Variants in GLI1 observed in about 807,000 individuals in gnomAD.
The protein encoded by GLI1 is transcription activator GLI1.
GLI1 carries 51 observed loss-of-function variants against 87.8 expected under a neutral mutation model. The ratio of observed to expected loss-of-function variants is 0.58; its 90% CI spans 0.46 to 0.73. GLI1 has a LOEUF of 0.73. Among genes scored for constraint, GLI1 ranks in the 30% least tolerant of loss-of-function variants. The pLI is 0.00. For missense variants in GLI1, 1,292 were observed against 1,437.2 expected (o/e 0.90, Z 1.63); for synonymous variants, 528 against 558.2 (o/e 0.95, Z 0.76).
Position 57,466,380 on chromosome 12 carries a change from C to T in GLI1, c.903C>T (p.His301=), listed in dbSNP as rs766271134. 1.2e-6 allele frequency: 2 copies of T among 1,612,376 alleles called. No homozygotes were observed. Among genetic ancestry groups the T allele is most frequent in the Non-Finnish European group, 8.5e-7 (1 of 1,178,908 alleles). The change falls in exon 8 of 12, where the codon CAC becomes CAT. Residue 301 remains histidine, a synonymous_variant. Coordinates refer to ENST00000228682, the MANE Select transcript of GLI1 (RefSeq NM_005269.3). ...HMRRHTGEKP[H]KCTFEGCRKS... Reference sequence around the variant, plus strand: ...GCAGACACACTGGCGAGAAGCCACACAAGTGCACGGTGAGGCACCAGTGTC... The same window carrying T: ...GCAGACACACTGGCGAGAAGCCACATAAGTGCACGGTGAGGCACCAGTGTC...
Position 57,465,132 on chromosome 12 carries a change from C to A in GLI1, c.411C>A (p.Ala137=), listed in dbSNP as rs1429500924. ...GTMSPSLGFP[A]QMNHQKGPSP... ...TCAGCCCATCTCTGGGATTCCCAGC[C>A]CAGATGAATCACCAAAAAGGGCCCT... The change falls in exon 5 of 12, where the codon GCC becomes GCA. Residue 137 remains alanine, a synonymous_variant. Transcript: ENST00000228682. 6.2e-7 allele frequency: 1 copy of A among 1,614,098 alleles called. No individual in the cohort carries two copies. Among genetic ancestry groups the A allele is most frequent in the Admixed American group, 1.7e-5 (1 of 60,024 alleles).
chr12:57,464,012 G>C lies in GLI1; in HGVS notation c.114G>C (p.Pro38=). Residue 38 remains proline, a synonymous_variant, in exon 3 of 12, where the codon CCG becomes CCC. Coordinates refer to ENST00000228682, the MANE Select transcript of GLI1 (RefSeq NM_005269.3). The part of the protein sequence containing the change: ...PSVGTEGLSG[P]PFCHQANLMS... ...TCTTTTTTCTAGGACTGTCTGGCCC[G>C]CCCTTCTGCCACCAAGCTAACCTCA... 2 of 1,613,084 alleles carry C rather than the reference G, an allele frequency of 1.2e-6. No homozygotes were observed. The highest frequency in any genetic ancestry group is 1.3e-5 in the African/African-American group (1 of 75,010).
At chr12:57,463,399 TAG>T (rs1871274701) in intron 1 of GLI1, among the ~76,000 whole-genome samples, 1 of 152,124 alleles carries the variant, frequency 6.6e-6, no homozygotes. Flanking sequence ...TGTTTTTTTG[TAG>T]AGACGGGGGT....
In GLI1 at chr12:57,467,975, T is replaced by C; in HGVS notation, c.1078-19T>C. The C allele has an allele frequency of 6.4e-7, 1 of 1,558,748 alleles. No individual in the cohort carries two copies. The highest frequency in any genetic ancestry group is 8.9e-7 in the Non-Finnish European group (1 of 1,129,884). On this transcript the variant is annotated intron_variant, in intron 9 of 11. Coordinates refer to ENST00000228682, the MANE Select transcript of GLI1 (RefSeq NM_005269.3). The stretch of plus-strand genomic sequence containing the variant: ...CGCTTTGATCCGTTTGCCTTCTGTC[T>C]CCACTCTCCACTCAACAGAAGCCGT...
In GLI1 at chr12:57,471,372, AGGCCTTGCCT is replaced by A. The variant is rs1237111352; in HGVS notation, c.2635_2644del (p.Pro879ThrfsTer64). The A allele has an allele frequency of 6.2e-7, 1 of 1,604,532 alleles. No homozygotes were observed. Among genetic ancestry groups the A allele is most frequent in the Non-Finnish European group, 8.5e-7 (1 of 1,175,958 alleles). On this transcript the variant is annotated frameshift_variant, in exon 12 of 12. Coordinates refer to ENST00000228682, the MANE Select transcript of GLI1 (RefSeq NM_005269.3). LOFTEE classifies it high-confidence loss of function. This position sits in a 1 kb window ranked among gnomAD's most constrained non-coding sequence, Gnocchi z 4.9. ...CCCTGATTATCTTCCTTCAGAACCC[AGGCCTTGCCT>A]GGACTTTGATTCCCCCACCCATTCC...
chr12:57,463,010 G>A (rs190587505), intron 1 of GLI1, among the ~76,000 whole-genome samples: 2 of 152,264 alleles, frequency 1.3e-5, no homozygotes, highest in East Asian at 3.9e-4. Flanking sequence ...AAGAATTAGA[G>A]GGTCCATGTT....
chr12:57,471,414 C>A lies in GLI1; in HGVS notation c.2674C>A (p.Gln892Lys). ...TGATTCCCCCACCCATTCCACAGGG[C>A]AGCTCAAGGCTCAGCTTGTGTGTAA... ...DFDSPTHSTG[Q>K]LKAQLVCNYV... The change falls in exon 12 of 12, where the codon CAG becomes AAG. Residue 892 changes from glutamine (Q) to lysine (K), a missense_variant. Around this residue, in one of 3 missense-constraint regions of GLI1, gnomAD observed 897 missense variants for 1,040.7 expected, o/e 0.86. Coordinates refer to ENST00000228682, the MANE Select transcript of GLI1 (RefSeq NM_005269.3). The surrounding 1 kb of genome is among the most constrained non-coding windows in gnomAD (Gnocchi z 4.9). 1 of 1,613,738 alleles carries A rather than the reference C, an allele frequency of 6.2e-7. No individual in the cohort carries two copies. Among genetic ancestry groups the A allele is most frequent in the Middle Eastern group, 1.6e-4 (1 of 6,062 alleles).
rs373249560 is a variant in GLI1, at chr12:57,467,361, G to A, written c.941G>A (p.Arg314His). 2 of 1,610,706 alleles carry A rather than the reference G, an allele frequency of 1.2e-6. No individual in the cohort carries two copies. Among genetic ancestry groups the A allele is most frequent in the Non-Finnish European group, 1.7e-6 (2 of 1,177,270 alleles). The change falls in exon 9 of 12, where the codon CGC becomes CAC. Residue 314 changes from arginine to histidine, a missense_variant. By Grantham distance (29) the Arg-to-His change is conservative. Transcript: ENST00000228682. ...TFEGCRKSYS[R>H]LENLKTHLRS... ...GAAGGGTGCCGGAAGTCATACTCAC[G>A]CCTCGAAAACCTGAAGACGCACCTG...
At chr12:57,463,852 C>G (rs1317686607) in intron 2 of GLI1, 61 bp downstream of exon 2, 1 of 1,109,384 alleles carries the variant, frequency 9.0e-7, no homozygotes, top group Non-Finnish European at 1.4e-6. Context: ...CTTGGGCCCA[C>G]CCCCACCCCA....
intron 1 of GLI1, among the ~76,000 whole-genome samples, chr12:57,461,341 T>A (rs964283537): frequency 2.6e-5 from 4 of 151,764 alleles, no homozygotes; most frequent in Non-Finnish European, 5.9e-5. Context: ...CCCTCCACCA[T>A]TATCTCCCTG....
chr12:57,462,219 C>A (rs1566557382), intron 1 of GLI1, among the ~76,000 whole-genome samples: 1 of 152,000 alleles, frequency 6.6e-6, no homozygotes, highest in Non-Finnish European at 1.5e-5. Flanking sequence ...AGCTGTGCCC[C>A]CCGCCCCCCA....
chr12:57,466,104 T>C, intron 7 of GLI1, 136 bp from the exon 8 acceptor site: 1 of 1,052,182 alleles, frequency 9.5e-7, no homozygotes. Flanking sequence ...ACCTGAGATG[T>C]GAGATATGAT....
chr12:57,459,796 A>G lies in GLI1; in HGVS notation c.-433A>G, dbSNP rs1301924976. ...GCGGGGGGGGGGGCGTAAGCAGTAT[A>G]GGGTCCCTCAAGGGAGGGGGAGGAT... On this transcript the variant is annotated 5_prime_UTR_variant, in exon 1 of 12. It adds an upstream start codon to the 5' untranslated region. Coordinates refer to ENST00000228682, the MANE Select transcript of GLI1 (RefSeq NM_005269.3). Among the ~76,000 whole-genome samples the G allele has an allele frequency of 2.9e-5, 4 of 136,000 alleles. No homozygotes were observed. Among genetic ancestry groups the G allele is most frequent in the African/African-American group, 1.1e-4 (4 of 35,944 alleles). The allele number at this position is 136,000 out of a possible 152,430, so 89.2% of individuals were successfully genotyped here.
intron 2 of GLI1, 75 bp from the exon 3 acceptor site, chr12:57,463,924 A>G (rs780814402): frequency 5.8e-6 from 7 of 1,207,724 alleles, no homozygotes; most frequent in African/African-American, 1.5e-5. Flanking sequence ...GGAATCTGGG[A>G]TCAGGTCATG....
intron 1 of GLI1, among the ~76,000 whole-genome samples, chr12:57,461,061 G>T (rs1451242892): frequency 6.6e-6 from 1 of 151,906 alleles, no homozygotes; most frequent in Non-Finnish European, 1.5e-5. Flanking sequence ...AGACCACCCT[G>T]CCTGCCCTTG....
Position 57,471,318 on chromosome 12 carries a change from C to G in GLI1, c.2578C>G (p.Leu860Val). 1.3e-6 allele frequency: 2 copies of G among 1,575,318 alleles called. No homozygotes were observed. Among genetic ancestry groups the G allele is most frequent in the Non-Finnish European group, 1.7e-6 (2 of 1,161,720 alleles). Residue 860 changes from leucine (L) to valine (V), a missense_variant, in exon 12 of 12, where the codon CTC (leucine) becomes GTC (valine). This residue lies in a region of GLI1 where 897 missense variants were observed against 1,040.7 expected (regional missense o/e 0.86). Transcript: ENST00000228682. This position sits in a 1 kb window ranked among gnomAD's most constrained non-coding sequence, Gnocchi z 4.9. ...CCCCCAGCCCTCTCCTCCCCAATATCTCCAGTCAGGCCCCTATACCCAGCC... is the reference window on the plus strand; with the variant it reads ...CCCCCAGCCCTCTCCTCCCCAATATGTCCAGTCAGGCCCCTATACCCAGCC... ...HYPQPSPPQY[L>V]QSGPYTQPPP...
In GLI1 at chr12:57,465,185, G is replaced by T; in HGVS notation, c.464G>T (p.Gly155Val). Residue 155 changes from glycine (G) to valine (V), a missense_variant, in exon 5 of 12, where the codon GGT becomes GTT. By Grantham distance (109) the Gly-to-Val change is moderately radical. Transcript: ENST00000228682. ...PSPSFGVQPC[G>V]PHDSARGGMI... ...CCTTCCTTTGGGGTCCAGCCTTGTG[G>T]TCCCCATGACTCTGCCCGGGGTGGG... 6.2e-7 allele frequency: 1 copy of T among 1,613,982 alleles called. No homozygotes were observed. Among genetic ancestry groups the T allele is most frequent in the Non-Finnish European group, 8.5e-7 (1 of 1,179,892 alleles).
At chr12:57,464,897 C>G (rs1475714093) in intron 4 of GLI1, 29 bp downstream of exon 4, 1 of 1,522,420 alleles carries the variant, frequency 6.6e-7, no homozygotes, top group Non-Finnish European at 9.1e-7. Context: ...CAAGAGGCCC[C>G]TAAAGCCCCT....
rs145785739 is a variant in GLI1, at chr12:57,463,367, G to T, written c.-27-298G>T. ...CGAGTAGCTGGGATTACAGGCACCCGCCATCATGACTGGCTAATTTTTGTT... is the reference window on the plus strand; with the variant it reads ...CGAGTAGCTGGGATTACAGGCACCCTCCATCATGACTGGCTAATTTTTGTT... On this transcript the variant is annotated intron_variant, in intron 1 of 11. Transcript: ENST00000228682. Among the ~76,000 whole-genome samples, 5 of 152,236 alleles carry T rather than the reference G, an allele frequency of 3.3e-5. No homozygotes were observed. The East Asian group carries it at 9.7e-4, about 29-fold the overall frequency.
Sources: gnomAD v4.1 joint callset for allele counts (sites outside exome capture counted in the v4.1 genomes callset) on GRCh38, gnomAD v4.1.1 for gene constraint, gnomAD v4.1.1 regional missense constraint, Gnocchi (gnomAD v3.1) non-coding constraint, MANE v1.5 for transcripts, NCBI Gene and HGNC (gene_info 2026-07-23, HGNC 2026-07-21) for gene names.